Variants in MYO10 observed in about 807,000 individuals in gnomAD.
MYO10 encodes unconventional myosin-X.
In MYO10, 133 loss-of-function variants were observed where a neutral mutation model predicts 257.3. The ratio of observed to expected loss-of-function variants is 0.52; its 90% CI spans 0.45 to 0.60. The LOEUF is 0.60. MYO10 is among the 20% of genes least tolerant of loss of function. MYO10 has a pLI of 0.00. For missense variants in MYO10, 2,399 were observed against 2,635.7 expected, an observed-to-expected ratio of 0.91 and a Z score of 1.97; for synonymous variants, 1,104 against 1,028.6, an observed-to-expected ratio of 1.07 and a Z score of -1.40.
At chr5:16,675,775 A>ATGGGGAGAGC (rs1251264617) in intron 34 of MYO10, among the ~76,000 whole-genome samples, 1 of 152,128 alleles carries the variant, frequency 6.6e-6, no homozygotes, top group Non-Finnish European at 1.5e-5. Context: ...CTCTCAGTTC[A>ATGGGGAGAGC]TGGGGAGAGC....
In MYO10 at chr5:16,852,924, T is replaced by G. The variant is rs180794651; in HGVS notation, c.120+24685A>C. On this transcript the variant is annotated intron_variant, in intron 2 of 40. Coordinates refer to ENST00000513610, the MANE Select transcript of MYO10 (RefSeq NM_012334.3). Reference sequence around the variant, plus strand: ...CCTTTGCCAAGAAGGCACAGAGAAATTGAAGAATAACAACAGTAAACTGTC... The same window carrying G: ...CCTTTGCCAAGAAGGCACAGAGAAAGTGAAGAATAACAACAGTAAACTGTC... Among the ~76,000 whole-genome samples, 10 of 152,126 alleles carry G rather than the reference T, an allele frequency of 6.6e-5. No individual in the cohort carries two copies. In the East Asian group the frequency reaches 1.9e-3, roughly 29 times the overall value.
chr5:16,778,221 C>A (rs1366815563), intron 9 of MYO10, among the ~76,000 whole-genome samples: 2 of 152,026 alleles, frequency 1.3e-5, no homozygotes, highest in Non-Finnish European at 2.9e-5. Context: ...CTGGCCAGGC[C>A]CGATTGGGTG....
chr5:16,826,100 A>G (rs1042267675), intron 2 of MYO10, among the ~76,000 whole-genome samples: 1 of 152,058 alleles, frequency 6.6e-6, no homozygotes, highest in African/African-American at 2.4e-5. Flanking sequence ...GTGAGCCAAG[A>G]CTGCACCACT....
chr5:16,740,147 G>A (rs911358344), intron 19 of MYO10, among the ~76,000 whole-genome samples: 1 of 152,064 alleles, frequency 6.6e-6, no homozygotes, highest in Non-Finnish European at 1.5e-5. Context: ...CTAACCTCTG[G>A]TCTCCAGTCT....
intron 2 of MYO10, among the ~76,000 whole-genome samples, chr5:16,820,636 A>T (rs970498641): frequency 6.6e-6 from 1 of 152,210 alleles, no homozygotes; most frequent in Non-Finnish European, 1.5e-5. Flanking sequence ...AGTCCTTCTC[A>T]ACGTGAAAAC....
intron 19 of MYO10, among the ~76,000 whole-genome samples, chr5:16,729,869 A>T (rs761189417): frequency 3.9e-5 from 6 of 152,028 alleles, no homozygotes; most frequent in Non-Finnish European, 8.8e-5. Flanking sequence ...AGGCTCAGCA[A>T]CCAGGCCCAG....
At chr5:16,805,458 C>CAAAAA (rs36126574) in intron 3 of MYO10, among the ~76,000 whole-genome samples, 102 of 77,610 alleles carry the variant, frequency 1.3e-3, no homozygotes, top group Middle Eastern at 0.01. Context: ...GACTCCATCT[C>CAAAAA]AAAAAAAAAA....
chr5:16,753,121 A>G (rs1740427645), intron 19 of MYO10, among the ~76,000 whole-genome samples: 1 of 152,174 alleles, frequency 6.6e-6, no homozygotes, highest in South Asian at 2.1e-4. Context: ...TTGCCTCTCT[A>G]GAAGACAGAT....
chr5:16,886,922 A>C (rs1744912497), intron 1 of MYO10, among the ~76,000 whole-genome samples: 1 of 138,966 alleles, frequency 7.2e-6, no homozygotes, highest in Admixed American at 7.7e-5. Context: ...CCAGAGCGAG[A>C]CTCCATCTCC....
chr5:16,753,091 T>C lies in MYO10; in HGVS notation c.1929+1737A>G, dbSNP rs1740426825. 1.3e-5 allele frequency among the ~76,000 whole-genome samples: 2 copies of C among 152,216 alleles called. 1 individual carries two copies. Among genetic ancestry groups the C allele is most frequent in the African/African-American group, 4.8e-5 (2 of 41,458 alleles). On this transcript the variant is annotated intron_variant, in intron 19 of 40. Transcript: ENST00000513610. ...GTAACAAACTGAACAGGTTATTTTC[T>C]CTTAAAGAGATGTCCAATTTTGCCT... is the stretch of plus-strand genomic sequence containing the variant.
intron 2 of MYO10, among the ~76,000 whole-genome samples, chr5:16,853,002 C>A (rs775398274): frequency 2.0e-5 from 3 of 152,128 alleles, no homozygotes; most frequent in Non-Finnish European, 4.4e-5. Context: ...ATGGTTCTCA[C>A]CCTAGAGCTG....
At chr5:16,883,286 G>C (rs153708) in intron 1 of MYO10, among the ~76,000 whole-genome samples, 79,434 of 151,914 alleles carry the variant, frequency 0.52, 20,776 homozygotes, top group East Asian at 0.56. Context: ...AACCATTCCA[G>C]AGTAGGAAAG....
chr5:16,915,962 G>GAA, intron 1 of MYO10: 75 of 406,012 alleles, frequency 1.8e-4, no homozygotes, highest in South Asian at 4.1e-4. Flanking sequence ...ACGTCAAAAA[G>GAA]AAAAAAAAAA....
intron 1 of MYO10, among the ~76,000 whole-genome samples, chr5:16,924,547 A>C (rs1267450194): frequency 6.6e-6 from 1 of 152,184 alleles, no homozygotes; most frequent in African/African-American, 2.4e-5. Flanking sequence ...TTTACTCCTC[A>C]GGAAATAATC....
intron 26 of MYO10, among the ~76,000 whole-genome samples, chr5:16,698,869 C>A (rs1251729448): frequency 7.0e-6 from 1 of 143,774 alleles, no homozygotes; most frequent in East Asian, 1.9e-4. Context: ...ATGATCCACC[C>A]GCCTCGGCCT....
At chr5:16,717,743 G>GA (rs397976795) in intron 19 of MYO10, among the ~76,000 whole-genome samples, 1 of 151,758 alleles carries the variant, frequency 6.6e-6, no homozygotes, top group Non-Finnish European at 1.5e-5. Flanking sequence ...GACCCACGGG[G>GA]ATTTAACTCC....
At chr5:16,896,415 GT>G in intron 1 of MYO10, among the ~76,000 whole-genome samples, 1 of 152,068 alleles carries the variant, frequency 6.6e-6, no homozygotes, top group South Asian at 2.1e-4. Context: ...GGCCAACACG[GT>G]GAAACCCTGT....
intron 3 of MYO10, among the ~76,000 whole-genome samples, chr5:16,805,058 G>C (rs758846551): frequency 1.3e-5 from 2 of 152,186 alleles, no homozygotes; most frequent in Admixed American, 6.5e-5. Context: ...ATGTGTAAGA[G>C]GTTCACTGAG....
At position 16,674,834 on chromosome 5, in the gene MYO10, C is replaced by A. The variant is rs1370726923; in HGVS notation, c.4964+19G>T. 6.2e-7 allele frequency: 1 copy of A among 1,613,208 alleles called. No homozygotes were observed. Among genetic ancestry groups the A allele is most frequent in the South Asian group, 1.1e-5 (1 of 91,016 alleles). On this transcript the variant is annotated intron_variant, in intron 35 of 40. Transcript: ENST00000513610. ...TAAGCAGCTCTGCCCAGCTCATCTC[C>A]CGTGCCCCCATGCTTTACCTTTTCA...
Sources: allele counts gnomAD v4.1 joint callset (sites outside exome capture counted in the v4.1 genomes callset), GRCh38; gene constraint gnomAD v4.1.1; transcripts MANE v1.5; gene names NCBI Gene and HGNC (gene_info 2026-07-23, HGNC 2026-07-21).